TRAPPC9: variants seen among roughly 807,000 people sequenced by gnomAD.
TRAPPC9 encodes trafficking protein particle complex subunit 9.
Under a neutral mutation model 124.0 loss-of-function variants are expected in TRAPPC9, and 83 were observed. The ratio of observed to expected loss-of-function variants is 0.67; its 90% CI spans 0.56 to 0.80. The LOEUF (loss-of-function observed/expected upper bound fraction) is 0.80, where lower values mean the gene tolerates loss of function less well. Ranked by LOEUF, TRAPPC9 falls within the 30% of genes least tolerant of loss-of-function variation. The pLI is 0.00. For synonymous variants in TRAPPC9, 638 were observed against 617.5 expected (o/e 1.03, Z -0.49); for missense variants, 1,302 against 1,508.3 (o/e 0.86, Z 2.27).
intron 21 of TRAPPC9, among the ~76,000 whole-genome samples, chr8:139,885,623 C>T (rs548384566): frequency 1.4e-4 from 21 of 152,368 alleles, no homozygotes; most frequent in South Asian, 8.3e-4. Flanking sequence ...CCTGTTTCAA[C>T]GGGCGATGAG....
chr8:140,091,303 C>T (rs1289843342), intron 17 of TRAPPC9, among the ~76,000 whole-genome samples: 1 of 152,158 alleles, frequency 6.6e-6, no homozygotes, highest in East Asian at 1.9e-4. Flanking sequence ...GGCTTCATAA[C>T]CCTAGGGCCT....
chr8:140,273,878 T>C (rs910112895), intron 15 of TRAPPC9, among the ~76,000 whole-genome samples: 1 of 152,152 alleles, frequency 6.6e-6, no homozygotes, highest in Non-Finnish European at 1.5e-5. Context: ...CTTCACACTT[T>C]GTTGTTCGGG....
chr8:139,755,429 A>G (rs71514646), intron 21 of TRAPPC9, among the ~76,000 whole-genome samples: 31,078 of 102,910 alleles, frequency 0.3, 5,547 homozygotes, highest in African/African-American at 0.56. Context: ...TGGGGATGAG[A>G]ACAGCATGTC....
In TRAPPC9 at chr8:139,822,725, G is replaced by A. The variant is rs139334065; in HGVS notation, c.3055+63154C>T. On this transcript the variant is annotated intron_variant, in intron 21 of 22. Coordinates refer to ENST00000438773, the MANE Select transcript of TRAPPC9 (RefSeq NM_001160372.4). Reference sequence around the variant, plus strand: ...CGTCCTCTCAGACACGCTGCCTGCCGCTGACACATGGAGTCTTCAGACACC... The same window carrying A: ...CGTCCTCTCAGACACGCTGCCTGCCACTGACACATGGAGTCTTCAGACACC... Among the ~76,000 whole-genome samples the A allele has an allele frequency of 2.4e-3, 371 of 152,280 alleles. 2 individuals are homozygous for A. Among genetic ancestry groups the A allele is most frequent in the African/African-American group, 8.4e-3 (348 of 41,570 alleles).
In TRAPPC9 at chr8:140,182,038, C is replaced by G. The variant is rs773406929; in HGVS notation, c.2556+39421G>C. 2.6e-5 allele frequency among the ~76,000 whole-genome samples: 4 copies of G among 152,152 alleles called. No homozygotes were observed. The highest frequency in any genetic ancestry group is 6.5e-5 in the Admixed American group (1 of 15,284). On this transcript the variant is annotated intron_variant, in intron 17 of 22. Transcript: ENST00000438773. The surrounding 1 kb of genome is among the most constrained non-coding windows in gnomAD (Gnocchi z 4.0). ...CCAATCTGAGGGAAGCCCTTCATGA[C>G]TCAGTACCAGGGAGCTGCAGCCTGA...
intron 7 of TRAPPC9, among the ~76,000 whole-genome samples, chr8:140,393,385 G>A (rs1489771059): frequency 1.3e-5 from 2 of 152,116 alleles, no homozygotes; most frequent in African/African-American, 4.8e-5. Flanking sequence ...CTATTTGCTT[G>A]TAAAAATCCA....
intron 21 of TRAPPC9, among the ~76,000 whole-genome samples, chr8:139,866,262 C>G (rs943059781): frequency 6.6e-6 from 1 of 152,198 alleles, no homozygotes; most frequent in African/African-American, 2.4e-5. Flanking sequence ...GAATATTCCA[C>G]CCCCACGTCC....
chr8:140,082,922 C>T (rs867920583), intron 17 of TRAPPC9, among the ~76,000 whole-genome samples: 5 of 152,116 alleles, frequency 3.3e-5, no homozygotes, highest in African/African-American at 9.7e-5. Flanking sequence ...TGGCCAGGCG[C>T]GGTGGCTCAC....
intron 2 of TRAPPC9, among the ~76,000 whole-genome samples, chr8:140,441,746 G>A (rs1352728759): frequency 1.3e-5 from 2 of 152,140 alleles, no homozygotes; most frequent in Non-Finnish European, 2.9e-5. Flanking sequence ...TATATTTTTT[G>A]TAGAGACAAG....
At chr8:140,400,204 T>C (rs942686848) in intron 6 of TRAPPC9, among the ~76,000 whole-genome samples, 1 of 152,222 alleles carries the variant, frequency 6.6e-6, no homozygotes, top group Non-Finnish European at 1.5e-5. Flanking sequence ...GAAAATGGAC[T>C]AATACACCTC....
intron 9 of TRAPPC9, among the ~76,000 whole-genome samples, chr8:140,333,716 A>G (rs1414708587): frequency 2.0e-5 from 3 of 152,238 alleles, no homozygotes; most frequent in Non-Finnish European, 4.4e-5. Context: ...TAAATGCTCA[A>G]AATTGAATTT....
intron 7 of TRAPPC9, among the ~76,000 whole-genome samples, chr8:140,372,446 G>A (rs1047988334): frequency 2.0e-5 from 3 of 152,090 alleles, no homozygotes; most frequent in East Asian, 1.9e-4. Context: ...AAGAGGAATC[G>A]GCATTGTCTT....
At chr8:140,358,084 CT>C (rs1176797527) in intron 9 of TRAPPC9, among the ~76,000 whole-genome samples, 1 of 152,210 alleles carries the variant, frequency 6.6e-6, no homozygotes, top group East Asian at 1.9e-4. Flanking sequence ...GAATTCCTTT[CT>C]CTTAGAGATG....
intron 7 of TRAPPC9, among the ~76,000 whole-genome samples, chr8:140,380,433 C>T (rs565922983): frequency 3.3e-5 from 5 of 151,980 alleles, no homozygotes; most frequent in Non-Finnish European, 7.4e-5. Context: ...GTGGGTGGAT[C>T]GCCTGAGGTC....
At chr8:139,833,499 G>A (rs1156736351) in intron 21 of TRAPPC9, among the ~76,000 whole-genome samples, 1 of 152,206 alleles carries the variant, frequency 6.6e-6, no homozygotes, top group Admixed American at 6.5e-5. Flanking sequence ...GAAGAATCCG[G>A]CCACGGCACC....
intron 2 of TRAPPC9, among the ~76,000 whole-genome samples, chr8:140,439,875 G>A (rs2070947113): frequency 6.6e-6 from 1 of 151,456 alleles, no homozygotes; most frequent in Non-Finnish European, 1.5e-5. Context: ...TTTTTTTAAA[G>A]AAAAACTGCA....
At chr8:140,026,569 C>A (rs2131940529) in intron 17 of TRAPPC9, among the ~76,000 whole-genome samples, 1 of 152,312 alleles carries the variant, frequency 6.6e-6, no homozygotes. Context: ...TTTTGATTTG[C>A]ATTTCCCTGG....
chr8:140,301,416 T>C (rs1480080185), intron 10 of TRAPPC9, among the ~76,000 whole-genome samples: 2 of 152,232 alleles, frequency 1.3e-5, no homozygotes, highest in African/African-American at 2.4e-5. Flanking sequence ...GTACTATTAC[T>C]ATTGTCTCCA....
At chr8:140,222,088 C>T (rs752360368) in intron 16 of TRAPPC9, among the ~76,000 whole-genome samples, 67 of 152,268 alleles carry the variant, frequency 4.4e-4, no homozygotes, top group Non-Finnish European at 8.5e-4. Flanking sequence ...CTTCCCTCTG[C>T]GTTTGGACCA....
Sources: gnomAD v4.1 joint callset for allele counts (sites outside exome capture counted in the v4.1 genomes callset) on GRCh38, gnomAD v4.1.1 for gene constraint, Gnocchi (gnomAD v3.1) non-coding constraint, MANE v1.5 for transcripts, NCBI Gene and HGNC (gene_info 2026-07-23, HGNC 2026-07-21) for gene names.